The following C7orf57 variants were observed in gnomAD, a reference collection of about 807,000 sequenced individuals.
C7orf57 encodes the protein chromosome 7 open reading frame 57.
Under a neutral mutation model 39.0 loss-of-function variants are expected in C7orf57, and 33 were observed. That is an observed-to-expected ratio of 0.85 (90% CI 0.64 to 1.13). The LOEUF is 1.13. C7orf57 is among the 50% of genes most tolerant of loss of function. The pLI is 0.00. For synonymous variants in C7orf57, 124 were observed against 137.1 expected (o/e 0.90, Z 0.67); for missense variants, 346 against 362.3 (o/e 0.95, Z 0.37).
In C7orf57 at chr7:48,049,947, C is replaced by G. The variant is rs775979273; in HGVS notation, c.575C>G (p.Pro192Arg). Reference sequence around the variant, plus strand: ...GGCACCCCACTTGGCCCTAAGAATCCTGCAGGAAGTAGACTCTCCTTCCCC... The same window carrying G: ...GGCACCCCACTTGGCCCTAAGAATCGTGCAGGAAGTAGACTCTCCTTCCCC... ...KAGTPLGPKN[P>R]AGSRLSFPPV... The change falls in exon 6 of 9, where the codon CCT (proline) becomes CGT (arginine). Residue 192 changes from proline (P) to arginine (R), a missense_variant. Transcript: ENST00000348904. 3.7e-6 allele frequency: 6 copies of G among 1,612,864 alleles called. No individual in the cohort carries two copies. In the African/African-American group the frequency reaches 8.0e-5, roughly 22 times the overall value.
At chr7:48,048,292 A>G (rs1266085945) in intron 5 of C7orf57, among the ~76,000 whole-genome samples, 1 of 152,202 alleles carries the variant, frequency 6.6e-6, no homozygotes, top group South Asian at 2.1e-4. Flanking sequence ...AAGGTCACCT[A>G]TGAGTGATGA....
At chr7:48,043,453 T>G in intron 3 of C7orf57, 28 bp from the exon 4 acceptor site, 1 of 1,578,302 alleles carries the variant, frequency 6.3e-7, no homozygotes, top group Non-Finnish European at 8.7e-7. Context: ...GCGGGGTGTC[T>G]CACAGCCATG....
chr7:48,047,859 T>C (rs1301747936), intron 5 of C7orf57, among the ~76,000 whole-genome samples: 2 of 152,104 alleles, frequency 1.3e-5, no homozygotes, highest in Non-Finnish European at 2.9e-5. Context: ...CATACTACCG[T>C]AGACACTCAG....
At chr7:48,054,864 GATGATT>G (rs1175030109) in intron 8 of C7orf57, among the ~76,000 whole-genome samples, 3 of 151,672 alleles carry the variant, frequency 2.0e-5, no homozygotes, top group African/African-American at 7.3e-5. Context: ...TGATGATGAT[GATGATT>G]ATTATTATTA....
chr7:48,037,214 G>A (rs1790400763), intron 2 of C7orf57, among the ~76,000 whole-genome samples: 2 of 152,176 alleles, frequency 1.3e-5, no homozygotes, highest in South Asian at 4.1e-4. Context: ...CCTTTTCCCA[G>A]TAGGCTCTGG....
At chr7:48,057,265 C>T (rs1011875906) in intron 8 of C7orf57, among the ~76,000 whole-genome samples, 12 of 151,968 alleles carry the variant, frequency 7.9e-5, no homozygotes, top group African/African-American at 2.9e-4. Flanking sequence ...TGTATGTAGG[C>T]TATGTTTCCA....
chr7:48,053,102 C>T, intron 7 of C7orf57, 179 bp downstream of exon 7: 1 of 700,556 alleles, frequency 1.4e-6, no homozygotes, highest in Non-Finnish European at 2.6e-6. Flanking sequence ...ATGTTTTGCT[C>T]TTTCCTCTTT....
At chr7:48,043,357 A>T in intron 3 of C7orf57, 124 bp from the exon 4 acceptor site, 1 of 695,910 alleles carries the variant, frequency 1.4e-6, no homozygotes, top group African/African-American at 1.8e-5. Flanking sequence ...TAGTCCCTGG[A>T]TCCCAGAGGC....
intron 6 of C7orf57, 26 bp downstream of exon 6, chr7:48,050,003 T>C: frequency 6.6e-7 from 1 of 1,510,084 alleles, no homozygotes; most frequent in East Asian, 2.3e-5. Context: ...ACGCCCTCAC[T>C]GTCTGGACTG....
At chr7:48,055,021 C>T (rs879722789) in intron 8 of C7orf57, among the ~76,000 whole-genome samples, 6 of 151,976 alleles carry the variant, frequency 3.9e-5, no homozygotes, top group Non-Finnish European at 8.8e-5. Context: ...GGACTACAGG[C>T]GCCCGCCACA....
At chr7:48,045,558 A>G (rs551506283) in intron 4 of C7orf57, among the ~76,000 whole-genome samples, 11 of 152,236 alleles carry the variant, frequency 7.2e-5, no homozygotes, top group Admixed American at 3.3e-4. Context: ...AGTGGTGCCC[A>G]GTACCCCACG....
rs2708912 is a variant in C7orf57 at position 48,046,480 on chromosome 7, C to T, written c.371C>T (p.Pro124Leu). ...SQQEVRAVSM[P>L]DYMVHEEFNP... ...TGCAGAGTGCGGGCTGTCTCCATGC[C>T]GGATTACATGGTTCATGAAGAATTT... The change falls in exon 5 of 9, where the codon CCG (proline) becomes CTG (leucine). Residue 124 changes from proline (P) to leucine (L), a missense_variant. Transcript: ENST00000348904. The T allele has an allele frequency of 0.9, 1,451,981 of 1,613,174 alleles. 656,402 individuals are homozygous for T. The highest frequency in any genetic ancestry group is 0.93 in the Non-Finnish European group (1,093,163 of 1,179,604).
chr7:48,056,384 A>C (rs900181597), intron 8 of C7orf57, among the ~76,000 whole-genome samples: 12 of 152,110 alleles, frequency 7.9e-5, no homozygotes, highest in African/African-American at 2.9e-4. Flanking sequence ...TATGGTTTCC[A>C]GATATTTTTC....
At chr7:48,040,016 AC>A (rs1489588744) in intron 2 of C7orf57, among the ~76,000 whole-genome samples, 1 of 150,506 alleles carries the variant, frequency 6.6e-6, no homozygotes, top group African/African-American at 2.4e-5. Flanking sequence ...GTTACCTAGA[AC>A]CTCAGTTGTC....
chr7:48,052,544 T>C (rs527279581), intron 6 of C7orf57, among the ~76,000 whole-genome samples, 156 bp from the exon 7 acceptor site: 7 of 151,496 alleles, frequency 4.6e-5, no homozygotes, highest in African/African-American at 1.5e-4. Flanking sequence ...CAGAGAGAGA[T>C]AGAGGGAGAA....
At chr7:48,057,442 T>C (rs1231420792) in intron 8 of C7orf57, among the ~76,000 whole-genome samples, 2 of 152,180 alleles carry the variant, frequency 1.3e-5, no homozygotes, top group Non-Finnish European at 2.9e-5. Context: ...GTATATAGAA[T>C]GCTACCAATT....
intron 8 of C7orf57, 74 bp downstream of exon 8, chr7:48,054,680 C>A: frequency 2.3e-6 from 3 of 1,287,844 alleles, no homozygotes; most frequent in Non-Finnish European, 3.3e-6. Context: ...CATAGTCCTG[C>A]ATTCTGAGAC....
Position 48,060,313 on chromosome 7 carries a change from T to A in C7orf57, c.*41T>A. ...GTATTTAGGATAATTTTTAAATGGC[T>A]AAATATGACATGACTGTATTATAGC... On this transcript the variant is annotated 3_prime_UTR_variant, in exon 9 of 9. Coordinates refer to ENST00000348904, the MANE Select transcript of C7orf57 (RefSeq NM_001100159.3). The A allele has an allele frequency of 3.1e-6, 4 of 1,284,056 alleles. No individual in the cohort carries two copies. Among genetic ancestry groups the A allele is most frequent in the Non-Finnish European group, 3.3e-6 (3 of 919,402 alleles). 79.5% of individuals were successfully genotyped at this position (1,284,056 alleles called of 1,614,324 possible). A position where few individuals can be genotyped will look rare whatever the true frequency, so the allele number is the denominator to read the frequency against.
intron 4 of C7orf57, 109 bp from the exon 5 acceptor site, chr7:48,046,351 G>A: frequency 1.0e-6 from 1 of 960,516 alleles, no homozygotes; most frequent in South Asian, 1.8e-5. Context: ...AGAGAAGGAG[G>A]GAGACAGAAG....
Sources: gnomAD v4.1 joint callset for allele counts (sites outside exome capture counted in the v4.1 genomes callset) on GRCh38, gnomAD v4.1.1 for gene constraint, MANE v1.5 for transcripts, NCBI Gene and HGNC (gene_info 2026-07-23, HGNC 2026-07-21) for gene names.